Variants in MGAT4A observed in about 807,000 individuals in gnomAD.
The protein encoded by MGAT4A is alpha-1,3-mannosyl-glycoprotein 4-beta-N-acetylglucosaminyltransferase A.
Under a neutral mutation model 74.1 loss-of-function variants are expected in MGAT4A, and 33 were observed. That is an observed-to-expected ratio of 0.45 (90% CI 0.34 to 0.60). MGAT4A has a LOEUF of 0.60. Ranked by LOEUF, MGAT4A falls within the 20% of genes least tolerant of loss-of-function variation. MGAT4A has a pLI of 0.02. For missense variants in MGAT4A, 479 were observed against 628.3 expected (o/e 0.76, Z 2.54); for synonymous variants, 198 against 210.4 (o/e 0.94, Z 0.51).
chr2:98,695,965 G>C (rs1038262419), intron 2 of MGAT4A, among the ~76,000 whole-genome samples: 1 of 145,770 alleles, frequency 6.9e-6, no homozygotes, highest in Non-Finnish European at 1.5e-5. Flanking sequence ...TGCAACCTCC[G>C]CCTCCCAGGC....
intron 2 of MGAT4A, among the ~76,000 whole-genome samples, chr2:98,722,113 A>G (rs1029085623): frequency 6.6e-6 from 1 of 152,236 alleles, no homozygotes; most frequent in African/African-American, 2.4e-5. Flanking sequence ...TAAACATAAT[A>G]GAGTTATGAT....
intron 2 of MGAT4A, among the ~76,000 whole-genome samples, chr2:98,723,515 C>T (rs1015649354): frequency 2.0e-5 from 3 of 152,196 alleles, no homozygotes; most frequent in Non-Finnish European, 4.4e-5. Context: ...CAGCATGTTG[C>T]TCCACACCTC....
chr2:98,673,101 G>A (rs1203041404), intron 4 of MGAT4A, among the ~76,000 whole-genome samples: 1 of 152,046 alleles, frequency 6.6e-6, no homozygotes, highest in Non-Finnish European at 1.5e-5. Context: ...TACAGATGTG[G>A]TGCTGGGTGG....
chr2:98,677,144 A>G (rs1181481212), intron 3 of MGAT4A, among the ~76,000 whole-genome samples: 5 of 152,234 alleles, frequency 3.3e-5, no homozygotes, highest in African/African-American at 1.2e-4. Flanking sequence ...AGAAGAGCAC[A>G]GAAAGAGAGA....
chr2:98,636,165 G>GT (rs1321372841), intron 13 of MGAT4A, among the ~76,000 whole-genome samples: 3 of 151,742 alleles, frequency 2.0e-5, no homozygotes, highest in African/African-American at 7.2e-5. Context: ...GCTAATTTTT[G>GT]TATTTTTAGT....
intron 2 of MGAT4A, among the ~76,000 whole-genome samples, chr2:98,698,302 C>A (rs1205355797): frequency 6.7e-6 from 1 of 149,006 alleles, no homozygotes; most frequent in African/African-American, 2.4e-5. Context: ...GTAATCCCAG[C>A]TACTTGGGAG....
intron 2 of MGAT4A, among the ~76,000 whole-genome samples, chr2:98,703,210 T>C (rs1702376152): frequency 6.6e-6 from 1 of 152,052 alleles, no homozygotes; most frequent in Non-Finnish European, 1.5e-5. Flanking sequence ...AGACAGGAAA[T>C]ATAAAACAAA....
intron 3 of MGAT4A, 55 bp downstream of exon 3, chr2:98,678,249 A>ATATATATATAT (rs1553538280): frequency 9.5e-4 from 251 of 263,746 alleles, no homozygotes; most frequent in African/African-American, 1.7e-3. Context: ...AAAAAAAAAA[A>ATATATATATAT]ATATATATAT....
At chr2:98,730,534 G>C (rs1055605893) in intron 1 of MGAT4A, among the ~76,000 whole-genome samples, 1 of 152,128 alleles carries the variant, frequency 6.6e-6, no homozygotes, top group Non-Finnish European at 1.5e-5. Flanking sequence ...GCCTCGGACC[G>C]TCCGGCCCCG....
Position 98,621,673 on chromosome 2 carries a change from G to C in MGAT4A, c.*3893C>G. 14 of 1,424,690 alleles carry C rather than the reference G, an allele frequency of 9.8e-6. No homozygotes were observed. Among genetic ancestry groups the C allele is most frequent in the Non-Finnish European group, 1.3e-5 (14 of 1,089,976 alleles). 88.3% of individuals were successfully genotyped at this position (1,424,690 alleles called of 1,614,324 possible). A position where few individuals can be genotyped will look rare whatever the true frequency, so the allele number is the denominator to read the frequency against. On this transcript the variant is annotated 3_prime_UTR_variant, in exon 16 of 16. Transcript: ENST00000393487. ...CAGTAGGGGTCATTCTTAGAAATTT[G>C]CCTACCACAAATATACACTGTTATT...
At chr2:98,721,372 T>A (rs1405765119) in intron 2 of MGAT4A, among the ~76,000 whole-genome samples, 1 of 151,568 alleles carries the variant, frequency 6.6e-6, no homozygotes, top group African/African-American at 2.4e-5. Context: ...GAAATTAGAA[T>A]ATACACTATT....
In MGAT4A at chr2:98,649,185, T is replaced by C. The variant is rs1701540054; in HGVS notation, c.775-3643A>G. ...TCACACCAATCTGTATTTACTGGCA[T>C]AGCAAGGTACCTATCAACAGTATGT... is the stretch of plus-strand genomic sequence containing the variant. On this transcript the variant is annotated intron_variant, in intron 8 of 15. Coordinates refer to ENST00000393487, the MANE Select transcript of MGAT4A (RefSeq NM_012214.3). 2.0e-5 allele frequency among the ~76,000 whole-genome samples: 3 copies of C among 152,220 alleles called. No homozygotes were observed. The South Asian group carries it at 6.2e-4, about 31-fold the overall frequency.
intron 2 of MGAT4A, among the ~76,000 whole-genome samples, chr2:98,681,325 A>G (rs1284031829): frequency 1.3e-5 from 2 of 152,184 alleles, no homozygotes; most frequent in African/African-American, 4.8e-5. Context: ...AACTTGATGT[A>G]TAATTCTAAT....
intron 5 of MGAT4A, among the ~76,000 whole-genome samples, chr2:98,661,317 CTGGATACATACA>C (rs991414110): frequency 5.9e-5 from 9 of 152,138 alleles, no homozygotes; most frequent in Non-Finnish European, 1.0e-4. Flanking sequence ...TGTATCCATA[CTGGATACATACA>C]TGGATCCACT....
At chr2:98,683,229 A>C (rs1356022016) in intron 2 of MGAT4A, among the ~76,000 whole-genome samples, 3 of 152,238 alleles carry the variant, frequency 2.0e-5, no homozygotes, top group Admixed American at 2.0e-4. Flanking sequence ...ATCCTGGACC[A>C]GAAGAAATAA....
At chr2:98,634,237 A>G (rs1027673636) in intron 14 of MGAT4A, among the ~76,000 whole-genome samples, 7 of 152,158 alleles carry the variant, frequency 4.6e-5, no homozygotes, top group African/African-American at 1.7e-4. Context: ...GGAACAACAC[A>G]ACCACACAGC....
chr2:98,625,282 T>G lies in MGAT4A; in HGVS notation c.*284A>C. The stretch of plus-strand genomic sequence containing the variant: ...CTCAAATTTAAAGAATGTAACAATA[T>G]GTACAACTCTTATGTATTAGTATAA... On this transcript the variant is annotated 3_prime_UTR_variant, in exon 16 of 16. Transcript: ENST00000393487. 3 of 1,049,238 alleles carry G rather than the reference T, an allele frequency of 2.9e-6. No homozygotes were observed. Among genetic ancestry groups the G allele is most frequent in the Non-Finnish European group, 3.5e-6 (3 of 849,016 alleles). 65.0% of individuals were successfully genotyped at this position (1,049,238 alleles called of 1,614,324 possible). A position where few individuals can be genotyped will look rare whatever the true frequency, so the allele number is the denominator to read the frequency against.
chr2:98,687,218 C>T (rs1702142644), intron 2 of MGAT4A, among the ~76,000 whole-genome samples: 2 of 152,276 alleles, frequency 1.3e-5, no homozygotes, highest in Non-Finnish European at 2.9e-5. Context: ...GAAGAATCCT[C>T]AAGACACAGC....
At chr2:98,686,484 A>G (rs1011944178) in intron 2 of MGAT4A, among the ~76,000 whole-genome samples, 2 of 151,844 alleles carry the variant, frequency 1.3e-5, no homozygotes, top group Non-Finnish European at 2.9e-5. Flanking sequence ...AATAAACATA[A>G]CACCTTAAGA....
Sources: allele counts gnomAD v4.1 joint callset (sites outside exome capture counted in the v4.1 genomes callset), GRCh38; gene constraint gnomAD v4.1.1; transcripts MANE v1.5; gene names NCBI Gene and HGNC (gene_info 2026-07-23, HGNC 2026-07-21).